The following RASSF3 variants were observed in gnomAD, a reference collection of about 807,000 sequenced individuals.
RASSF3 encodes Ras association domain family member 3, also known as ras association domain-containing protein 3.
A neutral mutation model predicts 19.9 loss-of-function variants in RASSF3; 19 were observed. The ratio of observed to expected loss-of-function variants is 0.96; its 90% CI spans 0.67 to 1.40. The LOEUF is 1.40. Among genes scored for constraint, RASSF3 ranks in the 40% most tolerant of loss-of-function variants. The pLI is 0.00. For synonymous variants in RASSF3, 110 were observed against 104.2 expected (o/e 1.06, Z -0.34); for missense variants, 306 against 289.8 (o/e 1.06, Z -0.41).
upstream of RASSF3, among the ~76,000 whole-genome samples, chr12:64,530,508 T>C (rs1375331853): frequency 6.6e-6 from 1 of 152,218 alleles, no homozygotes; most frequent in Non-Finnish European, 1.5e-5. Flanking sequence ...TTTTAGGTTA[T>C]TGAAAATAAA....
intron 1 of RASSF3, among the ~76,000 whole-genome samples, chr12:64,519,086 C>T (rs1868416312): frequency 6.6e-6 from 1 of 152,106 alleles, no homozygotes; most frequent in African/African-American, 2.4e-5. Context: ...CTCCCACCTC[C>T]CTCGTATTAT....
chr12:64,582,699 C>T (rs983941811), intron 2 of RASSF3, among the ~76,000 whole-genome samples: 10 of 152,130 alleles, frequency 6.6e-5, no homozygotes, highest in African/African-American at 1.9e-4. Flanking sequence ...CACCCACCCT[C>T]GAGCTGGCTT....
In RASSF3 at chr12:64,563,637, C is replaced by T. The variant is rs557037445; in HGVS notation, c.294+21932C>T. Among the ~76,000 whole-genome samples the T allele has an allele frequency of 2.5e-4, 38 of 152,292 alleles. 2 individuals carry two copies. In the South Asian group the frequency reaches 6.4e-3, roughly 26 times the overall value. ...CCTGCCCTGCTCAATCACTATACAC[C>T]GCCAGCTCTGCTGACTCTTGCTCTG... On this transcript the variant is annotated intron_variant, in intron 2 of 5. Coordinates refer to the RASSF3 transcript ENST00000637125.
chr12:64,625,065 A>G (rs1053988697), intron 1 of RASSF3, among the ~76,000 whole-genome samples: 2 of 152,046 alleles, frequency 1.3e-5, no homozygotes, highest in Non-Finnish European at 2.9e-5. Context: ...TGGTTGAGAG[A>G]TTTGAAGGGA....
chr12:64,530,965 T>C (rs367706270), upstream of RASSF3, among the ~76,000 whole-genome samples: 1 of 152,242 alleles, frequency 6.6e-6, no homozygotes, highest in East Asian at 1.9e-4. Flanking sequence ...ATATCAGACA[T>C]GTGATTTGCA....
intron 2 of RASSF3, among the ~76,000 whole-genome samples, chr12:64,687,480 TG>T: frequency 6.6e-6 from 1 of 151,718 alleles, no homozygotes; most frequent in Middle Eastern, 3.4e-3. Context: ...TTTTGTTTTT[TG>T]TTTTTTTTTT....
At chr12:64,622,993 G>C (rs565100870) in intron 1 of RASSF3, among the ~76,000 whole-genome samples, 42 of 151,974 alleles carry the variant, frequency 2.8e-4, no homozygotes, top group African/African-American at 9.2e-4. Context: ...GCTAATTTTT[G>C]TATTTTTAGT....
At chr12:64,585,815 AGGCT>A (rs1375205364) in intron 2 of RASSF3, among the ~76,000 whole-genome samples, 1 of 151,980 alleles carries the variant, frequency 6.6e-6, no homozygotes, top group Non-Finnish European at 1.5e-5. Context: ...CACGTTGTCC[AGGCT>A]GGTGTCAAAC....
At chr12:64,592,777 C>A (rs1869944892) in intron 2 of RASSF3, among the ~76,000 whole-genome samples, 2 of 152,100 alleles carry the variant, frequency 1.3e-5, no homozygotes, top group Non-Finnish European at 2.9e-5. Context: ...ACTAGGACTA[C>A]AGGTGCATGC....
intron 1 of RASSF3, among the ~76,000 whole-genome samples, chr12:64,509,023 G>A (rs1868310900): frequency 1.3e-5 from 2 of 151,598 alleles, no homozygotes; most frequent in African/African-American, 4.9e-5. Flanking sequence ...GTCAAAATAG[G>A]GAGAATTTAA....
chr12:64,588,969 G>T (rs143226265), intron 2 of RASSF3, among the ~76,000 whole-genome samples: 508 of 152,046 alleles, frequency 3.3e-3, no homozygotes, highest in African/African-American at 0.012. Flanking sequence ...AATTTTTCAC[G>T]TGACTTCTTT....
intron 1 of RASSF3, among the ~76,000 whole-genome samples, chr12:64,517,942 A>G (rs1277561470): frequency 6.6e-6 from 1 of 152,012 alleles, no homozygotes; most frequent in Non-Finnish European, 1.5e-5. Context: ...TATAGCTATA[A>G]AGTTTACATC....
intron 2 of RASSF3, among the ~76,000 whole-genome samples, chr12:64,563,185 A>C (rs1196024746): frequency 2.8e-5 from 4 of 140,760 alleles, no homozygotes; most frequent in Admixed American, 7.0e-5. Flanking sequence ...TTTTTTTTTG[A>C]GATGGAGCTT....
chr12:64,625,652 T>A (rs1218084016), intron 1 of RASSF3, among the ~76,000 whole-genome samples: 2 of 152,132 alleles, frequency 1.3e-5, no homozygotes, highest in Non-Finnish European at 2.9e-5. Flanking sequence ...TCAAATCAAA[T>A]AAGGTAATAC....
intron 1 of RASSF3, among the ~76,000 whole-genome samples, chr12:64,613,585 A>AT (rs891074864): frequency 2.0e-5 from 3 of 151,868 alleles, no homozygotes; most frequent in African/African-American, 4.8e-5. Flanking sequence ...AAATGTTTTC[A>AT]TTTTTTTTCT....
intron 1 of RASSF3, among the ~76,000 whole-genome samples, chr12:64,649,472 A>G (rs959008252): frequency 9.2e-5 from 14 of 152,146 alleles, no homozygotes; most frequent in African/African-American, 3.4e-4. Flanking sequence ...GATTACAGGC[A>G]TGAGCCACTG....
intron 1 of RASSF3, among the ~76,000 whole-genome samples, chr12:64,536,770 T>C (rs11175432): frequency 0.36 from 55,241 of 151,850 alleles, 11,011 homozygotes; most frequent in East Asian, 0.66. Flanking sequence ...AGGGATTCAG[T>C]GCCCTTTTCC....
intron 1 of RASSF3, among the ~76,000 whole-genome samples, chr12:64,680,791 T>C (rs1269034190): frequency 2.0e-5 from 3 of 152,046 alleles, no homozygotes; most frequent in Non-Finnish European, 2.9e-5. Flanking sequence ...TTTTTGTATT[T>C]TTAATAGAGA....
At chr12:64,554,368 G>A (rs547768050) in intron 2 of RASSF3, among the ~76,000 whole-genome samples, 14 of 152,264 alleles carry the variant, frequency 9.2e-5, no homozygotes, top group East Asian at 1.9e-4. Context: ...GCAGTGGCGC[G>A]ATCTTGGCTC....
Sources: allele counts gnomAD v4.1 joint callset (sites outside exome capture counted in the v4.1 genomes callset), GRCh38; gene constraint gnomAD v4.1.1; transcripts MANE v1.5; gene names NCBI Gene and HGNC (gene_info 2026-07-23, HGNC 2026-07-21).